GLDN: variants seen among roughly 807,000 people sequenced by gnomAD.
GLDN encodes gliomedin.
Under a neutral mutation model 56.5 loss-of-function variants are expected in GLDN, and 47 were observed. The observed-to-expected ratio is 0.83, with a 90% CI of 0.66 to 1.06. The LOEUF (loss-of-function observed/expected upper bound fraction) is 1.06. Ranked by LOEUF, GLDN falls within the 50% of genes least tolerant of loss-of-function variation. The pLI, the probability that GLDN is intolerant of heterozygous loss-of-function variation, is 0.00. For missense variants in GLDN, 782 were observed against 714.3 expected (o/e 1.09, Z -1.08); for synonymous variants, 332 against 278.8 (o/e 1.19, Z -1.90).
At chr15:51,409,881 T>C (rs1010168759), downstream of GLDN, among the ~76,000 whole-genome samples, 2 of 152,170 alleles carry the variant, frequency 1.3e-5, no homozygotes, top group Non-Finnish European at 2.9e-5. Flanking sequence ...AGTGGAAAAA[T>C]TAACTTTGAA....
At chr15:51,379,785 A>G (rs1399631558) in intron 2 of GLDN, among the ~76,000 whole-genome samples, 5 of 152,242 alleles carry the variant, frequency 3.3e-5, no homozygotes, top group East Asian at 3.8e-4. Flanking sequence ...CATGAGCTAC[A>G]TAATTTGCAG....
intron 1 of GLDN, among the ~76,000 whole-genome samples, chr15:51,359,586 G>GA (rs1306969982): frequency 6.6e-6 from 1 of 152,118 alleles, no homozygotes; most frequent in Non-Finnish European, 1.5e-5. Flanking sequence ...AGAAAGACCA[G>GA]AAAAAAGCCA....
At chr15:51,383,508 A>T (rs903608587) in intron 3 of GLDN, 55 bp downstream of exon 3, 4 of 1,598,306 alleles carry the variant, frequency 2.5e-6, no homozygotes. Flanking sequence ...GCCAGACCCT[A>T]GGATCTCCCT....
In GLDN at chr15:51,341,949, T is replaced by A; in HGVS notation, c.265T>A (p.Ser89Thr). 2 of 1,597,318 alleles carry A rather than the reference T, an allele frequency of 1.3e-6. No individual in the cohort carries two copies. The highest frequency in any genetic ancestry group is 1.7e-6 in the Non-Finnish European group (2 of 1,179,398). Residue 89 changes from serine to threonine, a missense_variant, in exon 1 of 10, where the codon TCA becomes ACA. Ser to Thr is a moderately conservative substitution (Grantham distance 58). Transcript: ENST00000335449. Reference sequence around the variant, plus strand: ...CGCACCACCCCAAGACCCGGCCAGCTCAGCTCGCAACAAGCGCAGCCACAG... The same window carrying A: ...CGCACCACCCCAAGACCCGGCCAGCACAGCTCGCAACAAGCGCAGCCACAG... Reference protein sequence around the residue: ...ASAPPQDPASSARNKRSHSGE... With the variant: ...ASAPPQDPASTARNKRSHSGE...
At chr15:51,376,692 T>A (rs891615995) in intron 1 of GLDN, among the ~76,000 whole-genome samples, 1 of 152,240 alleles carries the variant, frequency 6.6e-6, no homozygotes, top group African/African-American at 2.4e-5. Flanking sequence ...TATGTAAGCT[T>A]TTTCCTATTT....
Position 51,397,719 on chromosome 15 carries a change from G to C in GLDN, c.817+121G>C, listed in dbSNP as rs931128347. On this transcript the variant is annotated intron_variant, in intron 6 of 9. Coordinates refer to ENST00000335449, the MANE Select transcript of GLDN (RefSeq NM_181789.4). Reference sequence around the variant, plus strand: ...GAGGGAGGAGGGTTTTGTCCAAAATGAAAGTTCCCTTCTTGCAAACTTCTC... The same window carrying C: ...GAGGGAGGAGGGTTTTGTCCAAAATCAAAGTTCCCTTCTTGCAAACTTCTC... The C allele has an allele frequency of 4.8e-6, 6 of 1,242,356 alleles. No individual in the cohort carries two copies. In the Admixed American group the frequency reaches 9.8e-5, roughly 20 times the overall value. 77.0% of individuals were successfully genotyped at this position (1,242,356 alleles called of 1,614,324 possible).
chr15:51,410,795 A>G (rs751095402), downstream of GLDN, among the ~76,000 whole-genome samples: 2 of 152,244 alleles, frequency 1.3e-5, no homozygotes, highest in Non-Finnish European at 2.9e-5. Flanking sequence ...TTTATTTAAA[A>G]TTCAAATTTA....
chr15:51,352,114 A>G (rs961799110), intron 1 of GLDN, among the ~76,000 whole-genome samples: 10 of 152,220 alleles, frequency 6.6e-5, no homozygotes, highest in African/African-American at 2.4e-4. Flanking sequence ...TGGTTCTGGC[A>G]GCTGGGGAGT....
intron 5 of GLDN, 67 bp downstream of exon 5, chr15:51,395,048 A>C: frequency 7.0e-7 from 1 of 1,432,964 alleles, no homozygotes; most frequent in Non-Finnish European, 9.2e-7. Flanking sequence ...GGCTTCCAAC[A>C]CCAGGGCTGC....
intron 6 of GLDN, among the ~76,000 whole-genome samples, chr15:51,399,092 T>G (rs1382508025): frequency 6.6e-6 from 1 of 152,150 alleles, no homozygotes; most frequent in Non-Finnish European, 1.5e-5. Flanking sequence ...ACTCCACATC[T>G]TTAATACCCT....
chr15:51,391,208 A>G (rs1016292549), intron 4 of GLDN, among the ~76,000 whole-genome samples: 6 of 152,084 alleles, frequency 3.9e-5, no homozygotes, highest in Non-Finnish European at 7.3e-5. Context: ...GGCCTTGAAT[A>G]GTGTTAAATA....
intron 9 of GLDN, among the ~76,000 whole-genome samples, chr15:51,402,851 A>G (rs879833192): frequency 6.6e-6 from 1 of 151,958 alleles, no homozygotes; most frequent in African/African-American, 2.4e-5. Flanking sequence ...TGACACCCCC[A>G]TCATCATCTC....
chr15:51,394,005 T>A (rs1300279471), intron 4 of GLDN, among the ~76,000 whole-genome samples: 3 of 152,204 alleles, frequency 2.0e-5, no homozygotes, highest in Non-Finnish European at 2.9e-5. Context: ...GAAAAGGGCA[T>A]TGGAGATGGA....
At chr15:51,380,687 C>T (rs907012564) in intron 2 of GLDN, among the ~76,000 whole-genome samples, 4 of 152,220 alleles carry the variant, frequency 2.6e-5, no homozygotes, top group African/African-American at 9.6e-5. Flanking sequence ...TGCTGGATTT[C>T]CTCCTCCAAG....
At chr15:51,381,702 A>T (rs142467893) in intron 2 of GLDN, among the ~76,000 whole-genome samples, 3 of 151,704 alleles carry the variant, frequency 2.0e-5, no homozygotes, top group South Asian at 2.1e-4. Context: ...TTTCTCTACA[A>T]TTCTACAGTC....
chr15:51,381,287 G>A (rs1362223645), intron 2 of GLDN, among the ~76,000 whole-genome samples: 1 of 152,228 alleles, frequency 6.6e-6, no homozygotes, highest in East Asian at 1.9e-4. Flanking sequence ...GTGTCTTACA[G>A]TCAAATTATT....
chr15:51,380,003 G>A (rs942834707), intron 2 of GLDN, among the ~76,000 whole-genome samples: 1 of 152,106 alleles, frequency 6.6e-6, no homozygotes, highest in African/African-American at 2.4e-5. Flanking sequence ...GGCACGCAGG[G>A]CACCACTCAG....
At chr15:51,351,829 G>A (rs141036940) in intron 1 of GLDN, among the ~76,000 whole-genome samples, 1 of 152,316 alleles carries the variant, frequency 6.6e-6, no homozygotes, top group African/African-American at 2.4e-5. Context: ...TGGACCCACA[G>A]CTTGGTAGCT....
Position 51,342,126 on chromosome 15 carries a change from C to T in GLDN, c.363+79C>T, listed in dbSNP as rs184002811. ...TGTGGGGCGAGGACGCCGACGCCCT[C>T]TTCTCCCCTGGCCAGGCTGCGAGGT... is the stretch of plus-strand genomic sequence containing the variant. On this transcript the variant is annotated intron_variant, in intron 1 of 9. Transcript: ENST00000335449. 1.8e-3 allele frequency: 2,078 copies of T among 1,173,924 alleles called. 25 individuals carry two copies. The African/African-American group carries it at 0.042, about 24-fold the overall frequency. The allele number at this position is 1,173,924 out of a possible 1,614,324, so 72.7% of individuals were successfully genotyped here. A position where few individuals can be genotyped will look rare whatever the true frequency, so the allele number is the denominator to read the frequency against.
Sources: allele counts gnomAD v4.1 joint callset (sites outside exome capture counted in the v4.1 genomes callset), GRCh38; gene constraint gnomAD v4.1.1; transcripts MANE v1.5; gene names NCBI Gene and HGNC (gene_info 2026-07-23, HGNC 2026-07-21).